Variants in ZNF611 observed in about 807,000 individuals in gnomAD.
ZNF611 encodes the protein zinc finger protein 611.
In ZNF611, 6 loss-of-function variants were observed where a neutral mutation model predicts 8.9. The ratio of observed to expected loss-of-function variants is 0.68; its 90% CI spans 0.37 to 1.34. The LOEUF (loss-of-function observed/expected upper bound fraction) is 1.34. Ranked by LOEUF, ZNF611 falls within the 40% of genes most tolerant of loss-of-function variation. The pLI, the probability that ZNF611 is intolerant of heterozygous loss-of-function variation, is 0.02. For synonymous variants in ZNF611, 262 were observed against 279.7 expected (o/e 0.94, Z 0.63); for missense variants, 874 against 841.3 (o/e 1.04, Z -0.48).
At chr19:52,715,179 CTG>C (rs2062308301) in intron 4 of ZNF611, among the ~76,000 whole-genome samples, 2 of 152,248 alleles carry the variant, frequency 1.3e-5, no homozygotes, top group South Asian at 4.1e-4. Flanking sequence ...AATCTAAAAA[CTG>C]GCACAGTGGC....
intron 5 of ZNF611, chr19:52,707,420 C>T (rs2062253036): frequency 6.6e-6 from 1 of 152,004 alleles, no homozygotes; most frequent in South Asian, 2.1e-4. Context: ...GTGGCCCATG[C>T]CTGTAGTCAC....
Position 52,706,751 on chromosome 19 carries a change from A to C in ZNF611, c.304T>G (p.Cys102Gly). Residue 102 changes from cysteine to glycine, a missense_variant, in exon 6 of 6, where the codon TGC becomes GGC. Transcript: ENST00000652185. ...RHESHHIGDF[C>G]FQEIEKEIHD... ...ATTTCTTTCTCAATTTCCTGGAAGCAAAAATCTCCAATGTGATGACTTTCA... is the reference window on the plus strand; with the variant it reads ...ATTTCTTTCTCAATTTCCTGGAAGCCAAAATCTCCAATGTGATGACTTTCA... 1 of 1,614,178 alleles carries C rather than the reference A, an allele frequency of 6.2e-7. No homozygotes were observed. The highest frequency in any genetic ancestry group is 8.5e-7 in the Non-Finnish European group (1 of 1,180,018).
At chr19:52,713,905 A>G in intron 5 of ZNF611, 110 bp downstream of exon 5, 3 of 1,561,764 alleles carry the variant, frequency 1.9e-6, no homozygotes, top group African/African-American at 1.4e-5. Flanking sequence ...AACAAAAAAC[A>G]AAAAACAAAA....
At chr19:52,708,960 T>C (rs1012560063) in intron 5 of ZNF611, 3 of 152,232 alleles carry the variant, frequency 2.0e-5, no homozygotes, top group Non-Finnish European at 4.4e-5. Flanking sequence ...GCATTCCCCA[T>C]AGTTATCTAG....
In ZNF611 at chr19:52,710,265, C is replaced by T. The variant is rs1301718212; in HGVS notation, c.191-3401G>A. Among the ~76,000 whole-genome samples, 6 of 148,568 alleles carry T rather than the reference C, an allele frequency of 4.0e-5. No individual in the cohort carries two copies. The South Asian group carries it at 1.3e-3, about 32-fold the overall frequency. On this transcript the variant is annotated intron_variant, in intron 5 of 5. Transcript: ENST00000652185. ...TTTTTTTGGGAAACAGAATCTAACT[C>T]TGTCACCCGGGATGGAGTAAGTGGT...
rs397859789 is a variant in ZNF611 at position 52,729,492 on chromosome 19, C to CAAAAAAAAAAAAAAAAAAA, written c.-122+395_-122+413dup. On this transcript the variant is annotated intron_variant, in intron 2 of 5. Transcript: ENST00000652185. ...TGGGTGACAGAGCGAGACTCCATCT[C>CAAAAAAAAAAAAAAAAAAA]AAAAAAAAAAAAAAAAAAAAAAAAA... 2.2e-3 allele frequency among the ~76,000 whole-genome samples: 93 copies of CAAAAAAAAAAAAAAAAAAA among 42,350 alleles called. 2 individuals carry two copies. Among genetic ancestry groups the CAAAAAAAAAAAAAAAAAAA allele is most frequent in the African/African-American group, 3.4e-3 (28 of 8,158 alleles). The allele number at this position is 42,350 out of a possible 152,430, so 27.8% of individuals were successfully genotyped here. A position where few individuals can be genotyped will look rare whatever the true frequency, so the allele number is the denominator to read the frequency against.
chr19:52,716,417 T>A (rs902304461), intron 3 of ZNF611, among the ~76,000 whole-genome samples: 6 of 152,180 alleles, frequency 3.9e-5, no homozygotes, highest in Non-Finnish European at 8.8e-5. Context: ...ATGCCTCGAC[T>A]CTAACGTGAA....
chr19:52,718,750 ATCATG>A (rs1334196165), intron 3 of ZNF611, among the ~76,000 whole-genome samples: 1 of 152,156 alleles, frequency 6.6e-6, no homozygotes, highest in Admixed American at 6.5e-5. Context: ...GTGAACCAAG[ATCATG>A]CCATTGCACT....
At chr19:52,726,728 T>G (rs1290778926) in intron 3 of ZNF611, among the ~76,000 whole-genome samples, 4 of 146,698 alleles carry the variant, frequency 2.7e-5, no homozygotes, top group South Asian at 2.1e-4. Flanking sequence ...TTGTGTTTTT[T>G]TTTTTTTTTT....
rs748464413 is a variant in ZNF611, at chr19:52,705,684, C to G, written c.1371G>C (p.Lys457Asn). Reference sequence around the variant, plus strand: ...TCCACACAAAAGCCTTGTCACAAACCTTACATTTGTAAGATTTCTCTCCAC... The same window carrying G: ...TCCACACAAAAGCCTTGTCACAAACGTTACATTTGTAAGATTTCTCTCCAC... ...LHGGEKSYKCKVCDKAFVWSS... is the reference protein window; with the variant it reads ...LHGGEKSYKCNVCDKAFVWSS... Residue 457 changes from lysine (K) to asparagine (N), a missense_variant, in exon 6 of 6, where the codon AAG becomes AAC. Coordinates refer to ENST00000652185, the MANE Select transcript of ZNF611 (RefSeq NM_001161499.2). 1 of 1,613,508 alleles carries G rather than the reference C, an allele frequency of 6.2e-7. No individual in the cohort carries two copies. The highest frequency in any genetic ancestry group is 8.5e-7 in the Non-Finnish European group (1 of 1,179,786).
chr19:52,706,216 C>T lies in ZNF611; in HGVS notation c.839G>A (p.Cys280Tyr). The change falls in exon 6 of 6, where the codon TGT (cysteine) becomes TAT (tyrosine). Residue 280 changes from cysteine to tyrosine, a missense_variant. Transcript: ENST00000652185. ...HEQYLACHDR[C>Y]HTVEKPYKCK... ...CTTGTAAGGTTTCTCAACAGTGTGACATCTATCATGGCATGCAAGGTATTG... is the reference window on the plus strand; with the variant it reads ...CTTGTAAGGTTTCTCAACAGTGTGATATCTATCATGGCATGCAAGGTATTG... The T allele has an allele frequency of 1.2e-6, 2 of 1,614,162 alleles. No homozygotes were observed. Among genetic ancestry groups the T allele is most frequent in the Non-Finnish European group, 1.7e-6 (2 of 1,180,008 alleles).
intron 2 of ZNF611, 31 bp downstream of exon 2, chr19:52,729,875 A>G (rs1490225359): frequency 4.6e-5 from 7 of 152,328 alleles, no homozygotes; most frequent in Non-Finnish European, 1.0e-4. Context: ...AAGTAAATAC[A>G]CAGCATTATA....
At chr19:52,717,461 G>A (rs1341662622) in intron 3 of ZNF611, among the ~76,000 whole-genome samples, 1 of 152,196 alleles carries the variant, frequency 6.6e-6, no homozygotes, top group East Asian at 1.9e-4. Flanking sequence ...TCAGCCCCAG[G>A]AATAGGAAAG....
At chr19:52,714,657 C>T (rs187058063) in intron 4 of ZNF611, among the ~76,000 whole-genome samples, 3,372 of 118,118 alleles carry the variant, frequency 0.029, 190 homozygotes, top group African/African-American at 0.12. Flanking sequence ...CACTGCCCTC[C>T]ATCCTGGGCA....
chr19:52,704,795 G>A lies in ZNF611; in HGVS notation c.*142C>T. On this transcript the variant is annotated 3_prime_UTR_variant, in exon 6 of 6. Coordinates refer to ENST00000652185, the MANE Select transcript of ZNF611 (RefSeq NM_001161499.2). ...TTGTAAGGTTTCTCTCCAGTGTGAA[G>A]TCCAGTATGTTGTTCCAGGTGTGAA... 4.4e-6 allele frequency: 7 copies of A among 1,593,896 alleles called. No individual in the cohort carries two copies.
rs1269955449 is a variant in ZNF611 at position 52,730,008 on chromosome 19, G to A, written c.-221-3C>T. On this transcript the variant is annotated splice_polypyrimidine_tract_variant and splice_region_variant and intron_variant, in intron 1 of 5. Transcript: ENST00000652185. ...ATTGTCCTTCGTTATCTAGTCAACT[G>A]TGCAAAAAATATAGAAAGTGTACTG... 6.6e-6 allele frequency: 1 copy of A among 152,146 alleles called. No individual in the cohort carries two copies. Among genetic ancestry groups the A allele is most frequent in the East Asian group, 1.9e-4 (1 of 5,196 alleles). 9.4% of individuals were successfully genotyped at this position (152,146 alleles called of 1,614,324 possible). A position where few individuals can be genotyped will look rare whatever the true frequency, so the allele number is the denominator to read the frequency against.
chr19:52,706,199 G>A lies in ZNF611; in HGVS notation c.856C>T (p.Pro286Ser). ...CHDRCHTVEK[P>S]YKCKECGKTF... ...TTGCCACACTCTTTACACTTGTAAG[G>A]TTTCTCAACAGTGTGACATCTATCA... The change falls in exon 6 of 6, where the codon CCT becomes TCT. Residue 286 changes from proline to serine, a missense_variant. Physicochemically the swap from Pro to Ser is moderately conservative, Grantham distance 74. Transcript: ENST00000652185. The A allele has an allele frequency of 6.2e-7, 1 of 1,614,158 alleles. No homozygotes were observed. Among genetic ancestry groups the A allele is most frequent in the Non-Finnish European group, 8.5e-7 (1 of 1,180,012 alleles).
chr19:52,722,903 T>A (rs2147439970), intron 3 of ZNF611, among the ~76,000 whole-genome samples: 1 of 120,030 alleles, frequency 8.3e-6, no homozygotes, highest in Admixed American at 8.8e-5. Flanking sequence ...GTTTTTGTTT[T>A]CGTTTTTTTT....
intron 3 of ZNF611, 48 bp downstream of exon 3, chr19:52,728,682 C>T (rs2062406942): frequency 6.6e-6 from 1 of 152,098 alleles, no homozygotes; most frequent in Non-Finnish European, 1.5e-5. Context: ...GGAATTAAAC[C>T]TCTCATTTAC....
Sources: allele counts gnomAD v4.1 joint callset (sites outside exome capture counted in the v4.1 genomes callset), GRCh38; gene constraint gnomAD v4.1.1; transcripts MANE v1.5; gene names NCBI Gene and HGNC (gene_info 2026-07-23, HGNC 2026-07-21).